RBFOX1: variants seen among roughly 807,000 people sequenced by gnomAD.
The protein encoded by RBFOX1 is RNA binding protein fox-1 homolog 1.
Under a neutral mutation model 57.7 loss-of-function variants are expected in RBFOX1, and 8 were observed. That is an observed-to-expected ratio of 0.14 (90% confidence interval 0.08 to 0.25). The LOEUF (loss-of-function observed/expected upper bound fraction) is 0.25, where lower values mean the gene tolerates loss of function less well. Among genes scored for constraint, RBFOX1 ranks in the 10% least tolerant of loss-of-function variants. The pLI, the probability that RBFOX1 is intolerant of heterozygous loss-of-function variation, is 1.00. For missense variants in RBFOX1, 611 were observed against 548.5 expected (o/e 1.11, Z -1.14); for synonymous variants, 326 against 222.4 (o/e 1.47, Z -4.15).
At chr16:5,270,689 C>G (rs1263092924) in intron 1 of RBFOX1, 2 of 525,984 alleles carry the variant, frequency 3.8e-6, no homozygotes, top group African/African-American at 1.9e-5. Context: ...GAAATCATGA[C>G]CTGAGATGTG....
At chr16:5,438,813 C>T (rs62016391) in intron 1 of RBFOX1, among the ~76,000 whole-genome samples, 3 of 152,038 alleles carry the variant, frequency 2.0e-5, no homozygotes, top group African/African-American at 4.8e-5. Context: ...ACGTGCTCAG[C>T]CATCTTGCAC....
chr16:5,577,257 T>A (rs998393576), intron 2 of RBFOX1, among the ~76,000 whole-genome samples: 4 of 152,238 alleles, frequency 2.6e-5, no homozygotes, highest in Non-Finnish European at 5.9e-5. Flanking sequence ...ACTCCGGGTC[T>A]GTTGAGGCTC....
intron 4 of RBFOX1, among the ~76,000 whole-genome samples, chr16:7,223,466 A>C (rs781063120): frequency 3.4e-4 from 52 of 152,356 alleles, no homozygotes; most frequent in Non-Finnish European, 6.6e-4. Context: ...TCGCATTGGT[A>C]ATGCGAATGA....
At chr16:7,701,225 T>C (rs1415473971) in intron 14 of RBFOX1, among the ~76,000 whole-genome samples, 1 of 152,146 alleles carries the variant, frequency 6.6e-6, no homozygotes, top group Admixed American at 6.5e-5. Context: ...TCTAGTTTTA[T>C]CATTTTTGGA....
chr16:7,347,253 C>A (rs1033618576), intron 4 of RBFOX1, among the ~76,000 whole-genome samples: 3 of 152,128 alleles, frequency 2.0e-5, no homozygotes, highest in Non-Finnish European at 2.9e-5. Flanking sequence ...GGAGACTGGG[C>A]AATTTGCAAA....
chr16:6,620,959 G>A (rs1000885246), intron 2 of RBFOX1, among the ~76,000 whole-genome samples: 1 of 152,204 alleles, frequency 6.6e-6, no homozygotes, highest in African/African-American at 2.4e-5. Flanking sequence ...ATTTGAGAAG[G>A]CAGAAGTCTG....
rs143488467 is a variant in RBFOX1, at chr16:6,083,156, C to G, written c.-127+63164C>G. Among the ~76,000 whole-genome samples the G allele has an allele frequency of 1.8e-3, 271 of 152,238 alleles. 1 individual carries two copies. The highest frequency in any genetic ancestry group is 6.0e-3 in the African/African-American group (251 of 41,558). ...AGCTGGGACCAGAGGCATGCACTAC[C>G]TTGCCCAGCTAAGTTTTTGTATTTT... On this transcript the variant is annotated intron_variant, in intron 1 of 15. Coordinates refer to ENST00000550418, the MANE Select transcript of RBFOX1 (RefSeq NM_018723.4).
Position 5,477,160 on chromosome 16 carries a change from G to A in RBFOX1, c.258+9906G>A, listed in dbSNP as rs537836782. Among the ~76,000 whole-genome samples the A allele has an allele frequency of 1.1e-4, 16 of 152,282 alleles. No individual in the cohort carries two copies. The East Asian group carries it at 1.9e-3, about 18-fold the overall frequency. On this transcript the variant is annotated intron_variant, in intron 2 of 2. Coordinates refer to the RBFOX1 transcript ENST00000585867. Reference sequence around the variant, plus strand: ...CTCCTGAGTAGCTGCAAGCACAGGCGCATGCCACTACATCCAGCTAATTTT... The same window carrying A: ...CTCCTGAGTAGCTGCAAGCACAGGCACATGCCACTACATCCAGCTAATTTT...
chr16:7,217,026 TCCCTCCC>T (rs1196684825), intron 4 of RBFOX1, among the ~76,000 whole-genome samples: 465 of 39,604 alleles, frequency 0.012, 13 homozygotes, highest in Middle Eastern at 0.05. Context: ...CCTCCCTCCC[TCCCTCCC>T]TCCCTCCCTC....
chr16:7,568,533 C>T (rs2092384158), intron 5 of RBFOX1, among the ~76,000 whole-genome samples: 2 of 152,084 alleles, frequency 1.3e-5, no homozygotes, highest in African/African-American at 2.4e-5. Flanking sequence ...CCTGTTTTAT[C>T]AGCAATGTGT....
At chr16:7,504,775 A>ATATATATT (rs1567555067) in intron 4 of RBFOX1, among the ~76,000 whole-genome samples, 2 of 14,240 alleles carry the variant, frequency 1.4e-4, no homozygotes, top group Non-Finnish European at 2.7e-4. Context: ...ATATATTTAT[A>ATATATATT]TATATATATA....
At chr16:7,690,031 G>T (rs1391921133) in intron 14 of RBFOX1, among the ~76,000 whole-genome samples, 1 of 152,112 alleles carries the variant, frequency 6.6e-6, no homozygotes, top group Non-Finnish European at 1.5e-5. Context: ...GAGATTCAGT[G>T]ATTCAACTCC....
chr16:6,067,745 GA>G (rs1427030156), intron 1 of RBFOX1, among the ~76,000 whole-genome samples: 1 of 152,012 alleles, frequency 6.6e-6, no homozygotes, highest in Admixed American at 6.6e-5. Context: ...CTGAGGATGG[GA>G]AAAAAATATA....
At chr16:6,449,333 G>T (rs2094546056) in intron 2 of RBFOX1, among the ~76,000 whole-genome samples, 1 of 152,228 alleles carries the variant, frequency 6.6e-6, no homozygotes, top group Admixed American at 6.5e-5. Flanking sequence ...GCATCCAGAT[G>T]TTTCAAAGGT....
intron 2 of RBFOX1, among the ~76,000 whole-genome samples, chr16:6,351,371 T>C (rs1444363111): frequency 1.1e-5 from 1 of 94,486 alleles, no homozygotes; most frequent in Non-Finnish European, 2.1e-5. Context: ...TATATATATA[T>C]ATTTTTTTTT....
chr16:5,523,473 A>G (rs1392866407), intron 2 of RBFOX1, among the ~76,000 whole-genome samples: 1 of 149,494 alleles, frequency 6.7e-6, no homozygotes, highest in Non-Finnish European at 1.5e-5. Context: ...AAAATTAGCC[A>G]GGTGTGATGG....
At position 6,450,839 on chromosome 16, in the gene RBFOX1, GTATATATATATATATATATATA is replaced by G. The variant is rs1202016714; in HGVS notation, c.-64+133796_-64+133817del. ...TATACATATATATATATATATATGT[GTATATATATATATATATATATA>G]TATATATATATATCTCCTCTGAAAT... is the stretch of plus-strand genomic sequence containing the variant. On this transcript the variant is annotated intron_variant, in intron 2 of 15. Coordinates refer to ENST00000550418, the MANE Select transcript of RBFOX1 (RefSeq NM_018723.4). Among the ~76,000 whole-genome samples, 11 of 13,610 alleles carry G rather than the reference GTATATATATATATATATATATA, an allele frequency of 8.1e-4. 1 individual carries two copies. The highest frequency in any genetic ancestry group is 1.2e-3 in the Non-Finnish European group (10 of 8,478). The allele number at this position is 13,610 out of a possible 152,430, so 8.9% of individuals were successfully genotyped here.
intron 4 of RBFOX1, among the ~76,000 whole-genome samples, chr16:7,263,975 C>T (rs1180469116): frequency 1.4e-5 from 2 of 145,820 alleles, no homozygotes; most frequent in Admixed American, 6.8e-5. Context: ...AAAGGAGAAA[C>T]AAAACACAGA....
intron 1 of RBFOX1, among the ~76,000 whole-genome samples, chr16:6,088,622 A>G (rs1216464639): frequency 1.3e-5 from 2 of 152,086 alleles, no homozygotes; most frequent in Non-Finnish European, 2.9e-5. Flanking sequence ...ACTAGATAGA[A>G]TGGTGGAATG....
Sources: allele counts gnomAD v4.1 joint callset (sites outside exome capture counted in the v4.1 genomes callset), GRCh38; gene constraint gnomAD v4.1.1; transcripts MANE v1.5; gene names NCBI Gene and HGNC (gene_info 2026-07-23, HGNC 2026-07-21).